The following PLCH1 variants were observed in gnomAD, a reference collection of about 807,000 sequenced individuals.
PLCH1 encodes the protein phospholipase C eta 1, also known as 1-phosphatidylinositol 4,5-bisphosphate phosphodiesterase eta-1.
Under a neutral mutation model 126.7 loss-of-function variants are expected in PLCH1, and 60 were observed. The observed-to-expected ratio is 0.47, with a 90% CI of 0.38 to 0.59. The LOEUF (loss-of-function observed/expected upper bound fraction) is 0.59, where lower values mean the gene tolerates loss of function less well. PLCH1 is among the 20% of genes least tolerant of loss of function. PLCH1 has a pLI of 0.00. For synonymous variants in PLCH1, 719 were observed against 734.9 expected, an observed-to-expected ratio of 0.98 and a Z score of 0.35; for missense variants, 1,723 against 2,040.0, an observed-to-expected ratio of 0.84 and a Z score of 2.99.
chr3:155,655,001 C>A (rs898634143), intron 2 of PLCH1, among the ~76,000 whole-genome samples: 14 of 152,290 alleles, frequency 9.2e-5, no homozygotes, highest in African/African-American at 3.4e-4. Context: ...CATTCCTGAC[C>A]CTGTCACAGG....
At chr3:155,729,868 G>A (rs1306387723) in intron 1 of PLCH1, among the ~76,000 whole-genome samples, 6 of 147,400 alleles carry the variant, frequency 4.1e-5, no homozygotes, top group African/African-American at 1.5e-4. Flanking sequence ...AGGTTGCAGT[G>A]AGCAAGAGAT....
In PLCH1 at chr3:155,598,162, C is replaced by G. The variant is rs1240102885; in HGVS notation, c.80-1784G>C. Among the ~76,000 whole-genome samples the G allele has an allele frequency of 2.0e-5, 3 of 151,370 alleles. No homozygotes were observed. In the East Asian group the frequency reaches 5.8e-4, roughly 29 times the overall value. ...TCACGCCATTGCACTCCAGCCTGGGCAACAGGAGCAAAACTTTGCCTCAAA... is the reference window on the plus strand; with the variant it reads ...TCACGCCATTGCACTCCAGCCTGGGGAACAGGAGCAAAACTTTGCCTCAAA... On this transcript the variant is annotated intron_variant, in intron 2 of 22. Transcript: ENST00000460012.
chr3:155,590,489 A>G (rs527580634), intron 4 of PLCH1, among the ~76,000 whole-genome samples: 1 of 151,882 alleles, frequency 6.6e-6, no homozygotes, highest in African/African-American at 2.4e-5. Context: ...GAGGCAGGAG[A>G]ATGGCGTAAA....
At chr3:155,504,855 C>T (rs952409033) in intron 12 of PLCH1, among the ~76,000 whole-genome samples, 8 of 152,176 alleles carry the variant, frequency 5.3e-5, no homozygotes, top group East Asian at 1.9e-4. Flanking sequence ...CCAGCCAGGA[C>T]GCAGCAGCTG....
At chr3:155,527,892 C>T (rs783550) in intron 10 of PLCH1, among the ~76,000 whole-genome samples, 81,203 of 147,088 alleles carry the variant, frequency 0.55, 27,002 homozygotes, top group Non-Finnish European at 0.75. Flanking sequence ...TGCACTCCAG[C>T]CTGGGTGACA....
chr3:155,570,635 GC>G lies in PLCH1; in HGVS notation c.772-2312del, dbSNP rs1322533569. ...TTGTAAATTTAGTGTTTTTATCCCT[GC>G]CTTGTAGATAGAAAAATTAATGTTG... is the stretch of plus-strand genomic sequence containing the variant. On this transcript the variant is annotated intron_variant, in intron 6 of 22. Transcript: ENST00000460012. Among the ~76,000 whole-genome samples the G allele has an allele frequency of 2.6e-5, 4 of 152,012 alleles. No homozygotes were observed. The East Asian group carries it at 7.7e-4, about 29-fold the overall frequency.
chr3:155,470,447 T>A (rs923938865), intron 21 of PLCH1, among the ~76,000 whole-genome samples: 2 of 152,108 alleles, frequency 1.3e-5, no homozygotes, highest in Admixed American at 6.5e-5. Flanking sequence ...AATCTACATC[T>A]GATTGGTGTA....
intron 10 of PLCH1, among the ~76,000 whole-genome samples, chr3:155,529,759 T>TTTTGTTTTGTTTTG (rs1560117398): frequency 1.7e-4 from 25 of 150,522 alleles, no homozygotes; most frequent in African/African-American, 5.9e-4. Flanking sequence ...ATTTGCTTCT[T>TTTTGTTTTGTTTTG]TTTTGTTTTG....
chr3:155,628,659 T>A (rs1737658100), intron 2 of PLCH1, among the ~76,000 whole-genome samples: 2 of 152,142 alleles, frequency 1.3e-5, no homozygotes, highest in African/African-American at 4.8e-5. Context: ...TGTTAATTTG[T>A]ATTTTGTTAT....
At chr3:155,692,373 A>T (rs1363300496) in intron 2 of PLCH1, among the ~76,000 whole-genome samples, 2 of 152,178 alleles carry the variant, frequency 1.3e-5, no homozygotes, top group Non-Finnish European at 1.5e-5. Flanking sequence ...GTCAACCAAC[A>T]ACTTCAATGC....
chr3:155,481,161 G>C lies in PLCH1; in HGVS notation c.4865C>G (p.Ser1622Cys). The change falls in exon 23 of 23, where the codon TCC (serine) becomes TGC (cysteine). Residue 1622 changes from serine (S) to cysteine (C), a missense_variant. Physicochemically the swap from Ser to Cys is moderately radical, Grantham distance 112 (BLOSUM62 -1). This residue lies in a region of PLCH1 where 947 missense variants were observed against 977.1 expected (regional missense o/e 0.97). Coordinates refer to ENST00000460012, the MANE Select transcript of PLCH1 (RefSeq NM_014996.4). The surrounding 1 kb of genome is among the most constrained non-coding windows in gnomAD (Gnocchi z 4.2). ...SAPTPAVNRHSTGSYIAGYLK... is the reference protein window; with the variant it reads ...SAPTPAVNRHCTGSYIAGYLK... Reference sequence around the variant, plus strand: ...GTAGCCTGCGATGTAGGAGCCGGTGGAGTGGCGATTCACTGCAGGGGTGGG... The same window carrying C: ...GTAGCCTGCGATGTAGGAGCCGGTGCAGTGGCGATTCACTGCAGGGGTGGG... 1 of 1,614,240 alleles carries C rather than the reference G, an allele frequency of 6.2e-7. No individual in the cohort carries two copies. The highest frequency in any genetic ancestry group is 8.5e-7 in the Non-Finnish European group (1 of 1,180,038).
At chr3:155,581,359 A>G (rs1292911793) in intron 6 of PLCH1, among the ~76,000 whole-genome samples, 2 of 152,226 alleles carry the variant, frequency 1.3e-5, no homozygotes, top group Non-Finnish European at 2.9e-5. Flanking sequence ...TGTTCACAGC[A>G]GCGTTATTCG....
chr3:155,566,180 TACAC>T (rs1219475490), intron 7 of PLCH1, among the ~76,000 whole-genome samples: 2 of 80,222 alleles, frequency 2.5e-5, no homozygotes, highest in East Asian at 2.4e-4. Flanking sequence ...TACACATATA[TACAC>T]ATATATATAC....
Position 155,566,342 on chromosome 3 carries a change from CATATATAT to C in PLCH1, c.866-1232_866-1225del, listed in dbSNP as rs1491159103. ...ATACATATATATACGTATATATACACATATATATACATATATATACACACATATATATA... is the reference window on the plus strand; with the variant it reads ...ATACATATATATACGTATATATACACACATATATATACACACATATATATA... On this transcript the variant is annotated intron_variant, in intron 7 of 22. Transcript: ENST00000460012. Among the ~76,000 whole-genome samples, 285 of 45,034 alleles carry C rather than the reference CATATATAT, an allele frequency of 6.3e-3. 54 individuals are homozygous for C. Among genetic ancestry groups the C allele is most frequent in the African/African-American group, 0.017 (266 of 15,334 alleles). The allele number at this position is 45,034 out of a possible 152,430, so 29.5% of individuals were successfully genotyped here.
At position 155,482,998 on chromosome 3, in the gene PLCH1, A is replaced by T; in HGVS notation, c.3028T>A (p.Phe1010Ile). 1 of 1,613,948 alleles carries T rather than the reference A, an allele frequency of 6.2e-7. No individual in the cohort carries two copies. Among genetic ancestry groups the T allele is most frequent in the Admixed American group, 1.7e-5 (1 of 60,016 alleles). Reference protein sequence around the residue: ...KGKASIKDPHFLNFNKKLSSS... With the variant: ...KGKASIKDPHILNFNKKLSSS... ...GATAACTTTTTGTTGAAATTTAGAA[A>T]ATGTGGATCTTTTATACTTGCTTTC... Residue 1010 changes from phenylalanine (F) to isoleucine (I), a missense_variant, in exon 23 of 23, where the codon TTT becomes ATT. Coordinates refer to ENST00000460012, the MANE Select transcript of PLCH1 (RefSeq NM_014996.4).
At chr3:155,542,095 G>C (rs964707565) in intron 10 of PLCH1, among the ~76,000 whole-genome samples, 1 of 152,324 alleles carries the variant, frequency 6.6e-6, no homozygotes, top group South Asian at 2.1e-4. Context: ...TGCCTCAATC[G>C]GGAAGCGCAA....
rs1269111964 is a variant in PLCH1 at position 155,702,763 on chromosome 3, C to T, written c.79+1383G>A. Among the ~76,000 whole-genome samples, 4 of 152,098 alleles carry T rather than the reference C, an allele frequency of 2.6e-5. No individual in the cohort carries two copies. The East Asian group carries it at 5.8e-4, about 22-fold the overall frequency. ...AAATAAACCTAGTTCTTCTAACTCC[C>T]GTGATTTTTCTATTATCATATTTAC... is the stretch of plus-strand genomic sequence containing the variant. On this transcript the variant is annotated intron_variant, in intron 2 of 22. Coordinates refer to ENST00000460012, the MANE Select transcript of PLCH1 (RefSeq NM_014996.4).
intron 1 of PLCH1, among the ~76,000 whole-genome samples, chr3:155,738,940 A>AT (rs1322482701): frequency 3.9e-5 from 6 of 151,930 alleles, no homozygotes; most frequent in Admixed American, 1.3e-4. Flanking sequence ...GTCTCAAAAA[A>AT]ATATACAAAA....
chr3:155,675,084 A>G (rs1029889337), intron 2 of PLCH1, among the ~76,000 whole-genome samples: 18 of 152,182 alleles, frequency 1.2e-4, no homozygotes, highest in African/African-American at 3.4e-4. Context: ...GAAAATCTCA[A>G]CCATGGTACA....
Sources: allele counts gnomAD v4.1 joint callset (sites outside exome capture counted in the v4.1 genomes callset), GRCh38; gene constraint gnomAD v4.1.1; regional missense constraint gnomAD v4.1.1; non-coding constraint Gnocchi (gnomAD v3.1); transcripts MANE v1.5; gene names NCBI Gene and HGNC (gene_info 2026-07-23, HGNC 2026-07-21).